KIF1B: variants seen among roughly 807,000 people sequenced by gnomAD.
KIF1B encodes the protein kinesin family member 1B, also known as kinesin-like protein KIF1B.
A neutral mutation model predicts 241.9 loss-of-function variants in KIF1B; 76 were observed. The observed-to-expected ratio is 0.31, with a 90% CI of 0.26 to 0.38. KIF1B has a LOEUF of 0.38. Among genes scored for constraint, KIF1B ranks in the 10% least tolerant of loss-of-function variants. The pLI is 1.00. For missense variants in KIF1B, 1,622 were observed against 2,271.4 expected, an observed-to-expected ratio of 0.71 and a Z score of 5.81; for synonymous variants, 750 against 796.7, an observed-to-expected ratio of 0.94 and a Z score of 0.99.
chr1:10,265,647 C>A (rs1648417601), intron 5 of KIF1B, among the ~76,000 whole-genome samples: 1 of 152,098 alleles, frequency 6.6e-6, no homozygotes, highest in Non-Finnish European at 1.5e-5. Context: ...GAGTTCAAGA[C>A]CAGCCTGGGC....
chr1:10,265,438 G>A (rs1415335516), intron 5 of KIF1B, among the ~76,000 whole-genome samples: 1 of 151,922 alleles, frequency 6.6e-6, no homozygotes, highest in African/African-American at 2.4e-5. Context: ...GTTTTACCAT[G>A]TTACCCAGGT....
intron 5 of KIF1B, among the ~76,000 whole-genome samples, chr1:10,265,690 A>T (rs994213342): frequency 5.9e-5 from 9 of 151,954 alleles, no homozygotes; most frequent in African/African-American, 1.4e-4. Flanking sequence ...GCAAAAAAAA[A>T]TTTTTTTTAA....
chr1:10,270,996 C>T (rs910102200), intron 7 of KIF1B, among the ~76,000 whole-genome samples: 3 of 151,396 alleles, frequency 2.0e-5, no homozygotes, highest in African/African-American at 7.3e-5. Flanking sequence ...ATTTTACATT[C>T]CCACCAGAAA....
At chr1:10,360,529 AC>A (rs1353146272) in intron 38 of KIF1B, among the ~76,000 whole-genome samples, 3 of 152,120 alleles carry the variant, frequency 2.0e-5, no homozygotes, top group Admixed American at 6.5e-5. Flanking sequence ...TACTAAAAAT[AC>A]AAAAATTAGC....
In KIF1B at chr1:10,337,822, G is replaced by C. The variant is rs1311897000; in HGVS notation, c.3422+289G>C. On this transcript the variant is annotated intron_variant, in intron 31 of 48. Transcript: ENST00000676179. The surrounding 1 kb of genome is among the most constrained non-coding windows in gnomAD (Gnocchi z 4.0). ...ATGTAGGGTCTGATCACATAAGCCT[G>C]TTGATGAGTCTTTCTAGTCCTCTTC... is the stretch of plus-strand genomic sequence containing the variant. 6.6e-6 allele frequency among the ~76,000 whole-genome samples: 1 copy of C among 152,172 alleles called. No homozygotes were observed. Among genetic ancestry groups the C allele is most frequent in the East Asian group, 1.9e-4 (1 of 5,198 alleles).
intron 22 of KIF1B, chr1:10,305,219 A>G (rs1650768363): frequency 2.9e-6 from 3 of 1,044,372 alleles, no homozygotes; most frequent in Admixed American, 5.5e-5. Context: ...CTTGCAATAC[A>G]TAGCTTTGCA....
At chr1:10,364,200 CTTTT>C (rs779967463) in intron 41 of KIF1B, among the ~76,000 whole-genome samples, 1 of 113,862 alleles carries the variant, frequency 8.8e-6, no homozygotes, top group African/African-American at 3.4e-5. Flanking sequence ...GGGACAGGAT[CTTTT>C]TTTTTTTTTT....
intron 1 of KIF1B, among the ~76,000 whole-genome samples, chr1:10,223,546 G>GTTT (rs113574017): frequency 6.9e-5 from 9 of 131,288 alleles, no homozygotes; most frequent in Non-Finnish European, 9.7e-5. Flanking sequence ...GTTTTGTTTT[G>GTTT]TTTTTTTTTT....
At chr1:10,329,562 G>A (rs563546451) in intron 27 of KIF1B, among the ~76,000 whole-genome samples, 30 of 152,164 alleles carry the variant, frequency 2.0e-4, no homozygotes, top group Non-Finnish European at 3.4e-4. Context: ...GTGAAACCTC[G>A]TCTCTACTAA....
intron 22 of KIF1B, chr1:10,306,925 C>G: frequency 2.9e-6 from 3 of 1,046,774 alleles, no homozygotes; most frequent in Non-Finnish European, 3.5e-6. Context: ...GAGTTACTCT[C>G]CACTGGTGAT....
At chr1:10,336,157 C>A (rs1652166523) in intron 28 of KIF1B, among the ~76,000 whole-genome samples, 1 of 151,556 alleles carries the variant, frequency 6.6e-6, no homozygotes, top group Non-Finnish European at 1.5e-5. Flanking sequence ...AAAACTGATT[C>A]TTTTTTTTTG....
rs558717683 is a variant in KIF1B at position 10,321,653 on chromosome 1, G to A, written c.2210-56G>A. ...AAAAGAGATAAGCTAGAAGAGAGGT[G>A]TAATTTTTATATAGTTGTAAGATTG... is the stretch of plus-strand genomic sequence containing the variant. On this transcript the variant is annotated intron_variant, in intron 23 of 48. Transcript: ENST00000676179. 27 of 1,569,604 alleles carry A rather than the reference G, an allele frequency of 1.7e-5. No individual in the cohort carries two copies. The South Asian group carries it at 3.0e-4, about 17-fold the overall frequency.
At chr1:10,216,660 C>T (rs2027331) in intron 1 of KIF1B, among the ~76,000 whole-genome samples, 36,002 of 151,774 alleles carry the variant, frequency 0.24, 4,944 homozygotes, top group Admixed American at 0.31. Flanking sequence ...TGCTTAGCTC[C>T]CTCCCCATTT....
chr1:10,245,295 CTGTCT>C (rs1647194538), intron 2 of KIF1B, among the ~76,000 whole-genome samples: 1 of 152,208 alleles, frequency 6.6e-6, no homozygotes, highest in African/African-American at 2.4e-5. Context: ...ATTTAGTAGA[CTGTCT>C]TAAGTCTTAA....
intron 23 of KIF1B, among the ~76,000 whole-genome samples, chr1:10,320,816 T>TCCCG (rs1414102936): frequency 2.4e-5 from 2 of 83,484 alleles, no homozygotes; most frequent in Non-Finnish European, 4.1e-5. Flanking sequence ...AACCTCCGCC[T>TCCCG]CCTGCCTCCT....
chr1:10,275,861 C>A (rs1281928847), intron 11 of KIF1B, among the ~76,000 whole-genome samples: 1 of 151,944 alleles, frequency 6.6e-6, no homozygotes, highest in Admixed American at 6.6e-5. Context: ...CTCCTCGTTG[C>A]TGATGTTTTC....
At chr1:10,318,338 G>T (rs1318010264) in intron 22 of KIF1B, among the ~76,000 whole-genome samples, 1 of 151,476 alleles carries the variant, frequency 6.6e-6, no homozygotes, top group Admixed American at 6.6e-5. Flanking sequence ...TTTGATGTGG[G>T]ACTTGGAGAG....
chr1:10,327,022 C>A (rs1651748000), intron 27 of KIF1B, among the ~76,000 whole-genome samples: 1 of 152,130 alleles, frequency 6.6e-6, no homozygotes, highest in South Asian at 2.1e-4. Context: ...AATGATAAAG[C>A]TCAGAAAATC....
chr1:10,214,783 G>A (rs6699879), intron 1 of KIF1B, among the ~76,000 whole-genome samples: 73,923 of 150,550 alleles, frequency 0.49, 18,535 homozygotes, highest in African/African-American at 0.6. Flanking sequence ...GGGTTTCACC[G>A]TATTGGCCAG....
Sources: gnomAD v4.1 joint callset for allele counts (sites outside exome capture counted in the v4.1 genomes callset) on GRCh38, gnomAD v4.1.1 for gene constraint, Gnocchi (gnomAD v3.1) non-coding constraint, MANE v1.5 for transcripts, NCBI Gene and HGNC (gene_info 2026-07-23, HGNC 2026-07-21) for gene names.